Variants in IQSEC3 observed in about 807,000 individuals in gnomAD.
IQSEC3 encodes the protein IQ motif and SEC7 domain-containing protein 3.
Under a neutral mutation model 105.4 loss-of-function variants are expected in IQSEC3, and 50 were observed. That is an observed-to-expected ratio of 0.47 (90% CI 0.38 to 0.60). The LOEUF (loss-of-function observed/expected upper bound fraction) is 0.60, where lower values mean the gene tolerates loss of function less well. Among genes scored for constraint, IQSEC3 ranks in the 20% least tolerant of loss-of-function variants. The pLI, the probability that IQSEC3 is intolerant of heterozygous loss-of-function variation, is 0.00. For missense variants in IQSEC3, 1,415 were observed against 1,630.0 expected (o/e 0.87, Z 2.27); for synonymous variants, 708 against 746.0 (o/e 0.95, Z 0.83).
chr12:149,214 C>G (rs1222750196), intron 5 of IQSEC3: 1 of 152,258 alleles, frequency 6.6e-6, no homozygotes, highest in African/African-American at 2.4e-5. Flanking sequence ...TCCACGCGCC[C>G]GTCAGCAGCA....
Position 141,220 on chromosome 12 carries a change from C to T in IQSEC3, c.2088C>T (p.Leu696=), listed in dbSNP as rs374337873. The T allele has an allele frequency of 4.4e-5, 71 of 1,614,044 alleles. No individual in the cohort carries two copies. The Middle Eastern group carries it at 1.3e-3, about 30-fold the overall frequency. ...ATTTCCTCCTCCAGCGAAAGGGCCT[C>T]AGCCGCCAGATGATTGGAGAGTTCC... ...VAHFLLQRKG[L]SRQMIGEFLG... Residue 696 remains leucine, a synonymous_variant, in exon 5 of 14, where the codon CTC becomes CTT. Transcript: ENST00000538872.
At chr12:118,646 C>T (rs1380184870) in intron 2 of IQSEC3, among the ~76,000 whole-genome samples, 1 of 152,208 alleles carries the variant, frequency 6.6e-6, no homozygotes, top group Non-Finnish European at 1.5e-5. Context: ...GATAGGAGAA[C>T]AGCCCTCAAG....
intron 3 of IQSEC3, among the ~76,000 whole-genome samples, chr12:133,970 G>A (rs1254079612): frequency 6.6e-6 from 1 of 152,248 alleles, no homozygotes; most frequent in African/African-American, 2.4e-5. Flanking sequence ...GGAAGAAAGG[G>A]AACAGGCTAG....
intron 13 of IQSEC3, 115 bp downstream of exon 13, chr12:171,276 C>G: frequency 6.2e-7 from 1 of 1,614,096 alleles, no homozygotes; most frequent in Non-Finnish European, 8.5e-7. Context: ...CAGCCCGACT[C>G]ACCATTTTAC....
chr12:133,143 G>A (rs566310922), intron 3 of IQSEC3, among the ~76,000 whole-genome samples: 42 of 152,308 alleles, frequency 2.8e-4, no homozygotes, highest in Middle Eastern at 3.4e-3. Flanking sequence ...GTATCCACCT[G>A]GGGAGCACGT....
rs777071284 is a variant in IQSEC3 at position 176,032 on chromosome 12, G to C, written c.*999G>C. The C allele has an allele frequency of 1.1e-4, 17 of 152,158 alleles. No homozygotes were observed. The highest frequency in any genetic ancestry group is 2.1e-4 in the Non-Finnish European group (14 of 68,054). 9.4% of individuals were successfully genotyped at this position (152,158 alleles called of 1,614,324 possible). On this transcript the variant is annotated 3_prime_UTR_variant, in exon 14 of 14. Coordinates refer to ENST00000538872, the MANE Select transcript of IQSEC3 (RefSeq NM_001170738.2). This position sits in a 1 kb window ranked among gnomAD's most constrained non-coding sequence, Gnocchi z 4.0. ...GGGCTCCCTCCTGCATGAGTCTGTG[G>C]CCTCCAGGAGGGACTTGGGTGCAGA... is the stretch of plus-strand genomic sequence containing the variant.
rs1555083286 is a variant in IQSEC3 at position 125,886 on chromosome 12, C to A, written c.877C>A (p.Leu293Ile). 6.5e-7 allele frequency: 1 copy of A among 1,533,808 alleles called. No individual in the cohort carries two copies. The highest frequency in any genetic ancestry group is 8.7e-7 in the Non-Finnish European group (1 of 1,146,532). ...CGCCCCTGCCGCCTCCGATTACGAA[C>A]TCTCCCTTGACCTAAAGAATAAACA... ...PHAPAASDYE[L>I]SLDLKNKQIE... Residue 293 changes from leucine to isoleucine, a missense_variant, in exon 3 of 14, where the codon CTC becomes ATC. Leu to Ile is a conservative substitution (Grantham distance 5). Around this residue, in one of 6 missense-constraint regions of IQSEC3, gnomAD observed 720 missense variants for 633.0 expected, o/e 1.14. Transcript: ENST00000538872.
chr12:116,439 TC>T (rs140548794), intron 2 of IQSEC3, among the ~76,000 whole-genome samples: 1,786 of 152,358 alleles, frequency 0.012, 15 homozygotes, highest in Non-Finnish European at 0.018. Context: ...CCCCGGCATT[TC>T]CGTGAGCTAT....
At chr12:167,332 G>C (rs1412199599) in intron 11 of IQSEC3, 2 of 152,306 alleles carry the variant, frequency 1.3e-5, no homozygotes, top group African/African-American at 4.8e-5. Flanking sequence ...AGCATTGCTG[G>C]GAGAGGCACT....
intron 2 of IQSEC3, 137 bp from the exon 3 acceptor site, chr12:125,496 A>T (rs1217771940): frequency 1.3e-5 from 11 of 833,928 alleles, no homozygotes; most frequent in Admixed American, 1.1e-4. Flanking sequence ...CCTAGAGGAG[A>T]CTGTGAAAGA....
chr12:99,116 C>A (rs1296541964), intron 1 of IQSEC3, 30 bp from the exon 2 acceptor site: 16 of 1,586,292 alleles, frequency 1.0e-5, no homozygotes, highest in African/African-American at 1.3e-5. Flanking sequence ...CTGCCTCAGG[C>A]GCTCTGATCT....
rs967005118 is a variant in IQSEC3, at chr12:139,127, G to A, written c.1764G>A (p.Glu588=). 10 of 1,518,536 alleles carry A rather than the reference G, an allele frequency of 6.6e-6. No individual in the cohort carries two copies. Among genetic ancestry groups the A allele is most frequent in the Non-Finnish European group, 8.8e-6 (10 of 1,130,620 alleles). 94.1% of individuals were successfully genotyped at this position (1,518,536 alleles called of 1,614,324 possible). A position where few individuals can be genotyped will look rare whatever the true frequency, so the allele number is the denominator to read the frequency against. The change falls in exon 4 of 14, where the codon GAG becomes GAA. Residue 588 remains glutamate (E), a synonymous_variant. Transcript: ENST00000538872. ...CGGCGGAGGTGGGGAGAGGGGCCGA[G>A]GCCGAGGCAGGCGACTTGGAGCAGC... ...EETAEVGRGA[E]AEAGDLEQLS...
chr12:137,679 G>A (rs369517433), intron 3 of IQSEC3: 1 of 151,438 alleles, frequency 6.6e-6, no homozygotes, highest in Non-Finnish European at 1.5e-5. Context: ...CAGAGACAAG[G>A]TCTCACTGTT....
At chr12:114,915 C>T (rs16930767) in intron 2 of IQSEC3, among the ~76,000 whole-genome samples, 4,354 of 152,290 alleles carry the variant, frequency 0.029, 237 homozygotes, top group African/African-American at 0.097. Flanking sequence ...GAGCCTAGCA[C>T]GTCCCTTCCT....
intron 1 of IQSEC3, among the ~76,000 whole-genome samples, chr12:92,464 C>T (rs945551858): frequency 3.3e-5 from 5 of 152,184 alleles, no homozygotes; most frequent in Admixed American, 1.3e-4. Flanking sequence ...CTCCCAGGCT[C>T]GTGCTGTGAG....
chr12:146,364 G>A (rs1390170556), intron 5 of IQSEC3, among the ~76,000 whole-genome samples: 2 of 152,152 alleles, frequency 1.3e-5, no homozygotes, highest in Non-Finnish European at 2.9e-5. Context: ...ACCTGTGGTC[G>A]CAGCACTTTG....
intron 1 of IQSEC3, among the ~76,000 whole-genome samples, chr12:71,110 C>T (rs3864932): frequency 2.0e-5 from 3 of 152,396 alleles, no homozygotes; most frequent in Middle Eastern, 3.4e-3. Context: ...TGAGCTCCCT[C>T]TTCTCATTCT....
chr12:163,053 CAG>C (rs1336552818), intron 8 of IQSEC3, among the ~76,000 whole-genome samples: 39 of 152,164 alleles, frequency 2.6e-4, no homozygotes, highest in African/African-American at 3.9e-4. Flanking sequence ...AGCCCTGGGA[CAG>C]GGGGTGAACG....
At chr12:135,845 C>A (rs1363524543) in intron 3 of IQSEC3, among the ~76,000 whole-genome samples, 1 of 152,176 alleles carries the variant, frequency 6.6e-6, no homozygotes, top group African/African-American at 2.4e-5. Context: ...AAAGGAGGAC[C>A]CCACACCTTA....
Sources: allele counts gnomAD v4.1 joint callset (sites outside exome capture counted in the v4.1 genomes callset), GRCh38; gene constraint gnomAD v4.1.1; regional missense constraint gnomAD v4.1.1; non-coding constraint Gnocchi (gnomAD v3.1); transcripts MANE v1.5; gene names NCBI Gene and HGNC (gene_info 2026-07-23, HGNC 2026-07-21).